The following ZSCAN25 variants were observed in gnomAD, a reference collection of about 807,000 sequenced individuals.
The protein encoded by ZSCAN25 is zinc finger and SCAN domain-containing protein 25.
In ZSCAN25, 27 loss-of-function variants were observed where a neutral mutation model predicts 38.7. The ratio of observed to expected loss-of-function variants is 0.70; its 90% CI spans 0.51 to 0.96. The LOEUF (loss-of-function observed/expected upper bound fraction) is 0.96. ZSCAN25 is among the 40% of genes least tolerant of loss of function. ZSCAN25 has a pLI of 0.00. For synonymous variants in ZSCAN25, 273 were observed against 277.7 expected, an observed-to-expected ratio of 0.98 and a Z score of 0.17; for missense variants, 637 against 705.9, an observed-to-expected ratio of 0.90 and a Z score of 1.11.
the ZSCAN25 span, chr7:99,660,538 C>T: frequency 6.2e-7 from 1 of 1,613,714 alleles, no homozygotes; most frequent in East Asian, 2.2e-5. Flanking sequence ...TTTGCAGTTT[C>T]TGCTGGACAT....
the ZSCAN25 span, chr7:99,672,637 G>A: frequency 3.5e-5 from 57 of 1,614,020 alleles, 1 homozygote; most frequent in Admixed American, 4.0e-4. Flanking sequence ...TGATCACGTC[G>A]GGATCTGTGA....
At chr7:99,700,084 G>A in the ZSCAN25 span, 1 of 1,354,174 alleles carries the variant, frequency 7.4e-7, no homozygotes, top group Non-Finnish European at 1.1e-6. Flanking sequence ...TTTCAGCTGT[G>A]TGCTGTTGTT....
At chr7:99,714,578 C>T in the ZSCAN25 span, 2 of 1,612,708 alleles carry the variant, frequency 1.2e-6, no homozygotes, top group Non-Finnish European at 1.7e-6. Flanking sequence ...TTGAGGCGAC[C>T]TTCTTTTATC....
In ZSCAN25 at chr7:99,629,640, G is replaced by C. The variant is rs574014078; in HGVS notation, c.1255G>C (p.Glu419Gln). The C allele has an allele frequency of 1.7e-5, 27 of 1,613,930 alleles. No homozygotes were observed. The highest frequency in any genetic ancestry group is 2.1e-5 in the Non-Finnish European group (25 of 1,180,044). The change falls in exon 8 of 8, where the codon GAG (glutamate) becomes CAG (glutamine). Residue 419 changes from glutamate (E) to glutamine (Q), a missense_variant. Coordinates refer to ENST00000394152, the MANE Select transcript of ZSCAN25 (RefSeq NM_145115.3). The surrounding 1 kb of genome is among the most constrained non-coding windows in gnomAD (Gnocchi z 5.6). ...AACCTTCAGCCAGAGACACCACCTGGAGGTGCACCAGCGCAGCCACACTGG... is the reference window on the plus strand; with the variant it reads ...AACCTTCAGCCAGAGACACCACCTGCAGGTGCACCAGCGCAGCCACACTGG... ...WKTFSQRHHL[E>Q]VHQRSHTGEK...
At chr7:99,655,293 A>G in the ZSCAN25 span, among the ~76,000 whole-genome samples, 2 of 152,216 alleles carry the variant, frequency 1.3e-5, no homozygotes, top group East Asian at 1.9e-4. Flanking sequence ...AGCTTTCTAT[A>G]TATGGCTAGC....
At chr7:99,658,374 G>A in the ZSCAN25 span, among the ~76,000 whole-genome samples, 4 of 152,146 alleles carry the variant, frequency 2.6e-5, no homozygotes, top group Admixed American at 6.5e-5. Flanking sequence ...ATTCTGGGTT[G>A]AAAATTCTTT....
intron 5 of ZSCAN25, 182 bp downstream of exon 5, chr7:99,621,756 C>G (rs113784978): frequency 1.1e-3 from 483 of 438,848 alleles, no homozygotes; most frequent in Non-Finnish European, 1.6e-3. Flanking sequence ...CTCCCTTTAC[C>G]CTCTGGTGTC....
At chr7:99,667,297 C>T in the ZSCAN25 span, among the ~76,000 whole-genome samples, 4 of 152,136 alleles carry the variant, frequency 2.6e-5, no homozygotes, top group Non-Finnish European at 5.9e-5. Context: ...TGGTCTCCTG[C>T]CTCTATATCT....
At chr7:99,705,182 G>T in the ZSCAN25 span, 5 of 263,554 alleles carry the variant, frequency 1.9e-5, no homozygotes, top group Non-Finnish European at 2.9e-5. Flanking sequence ...AAATTATTGA[G>T]AAATGTTAAT....
the ZSCAN25 span, among the ~76,000 whole-genome samples, chr7:99,639,353 C>G: frequency 1.3e-5 from 2 of 152,154 alleles, no homozygotes; most frequent in Admixed American, 6.5e-5. Context: ...TACTAGAGAT[C>G]ACTTGGGGGT....
the ZSCAN25 span, among the ~76,000 whole-genome samples, chr7:99,731,979 A>ACTGGTGATATCCAC: frequency 9.9e-5 from 15 of 152,206 alleles, no homozygotes; most frequent in African/African-American, 3.6e-4. Context: ...TAGCCTTCCA[A>ACTGGTGATATCCAC]CTGGTGATAT....
the ZSCAN25 span, among the ~76,000 whole-genome samples, chr7:99,656,978 T>C: frequency 6.6e-6 from 1 of 152,210 alleles, no homozygotes; most frequent in Non-Finnish European, 1.5e-5. Context: ...TCTTTTCTTC[T>C]TTATTAGTCT....
At chr7:99,688,193 G>A in the ZSCAN25 span, among the ~76,000 whole-genome samples, 1 of 152,114 alleles carries the variant, frequency 6.6e-6, no homozygotes, top group Non-Finnish European at 1.5e-5. Context: ...AATGTAAATG[G>A]GCTAAATGCT....
the ZSCAN25 span, among the ~76,000 whole-genome samples, chr7:99,724,684 C>A: frequency 1.3e-5 from 2 of 152,108 alleles, no homozygotes; most frequent in Non-Finnish European, 2.9e-5. Context: ...CAGTTTCATT[C>A]CGAGACTAGC....
the ZSCAN25 span, chr7:99,671,916 C>T: frequency 1.0e-5 from 7 of 695,606 alleles, no homozygotes; most frequent in Middle Eastern, 6.9e-4. Context: ...TACCCACACA[C>T]ATAAACACAC....
the ZSCAN25 span, among the ~76,000 whole-genome samples, chr7:99,734,833 G>T: frequency 0.018 from 2,694 of 152,078 alleles, 72 homozygotes; most frequent in African/African-American, 0.06. Context: ...TATTAGCCAG[G>T]CTGGTCTTGA....
At chr7:99,710,874 A>G in the ZSCAN25 span, 1 of 1,613,788 alleles carries the variant, frequency 6.2e-7, no homozygotes, top group South Asian at 1.1e-5. Flanking sequence ...TTGGGCCATG[A>G]GCTCCAGATC....
the ZSCAN25 span, among the ~76,000 whole-genome samples, chr7:99,664,676 C>A: frequency 6.6e-6 from 1 of 152,032 alleles, no homozygotes; most frequent in Non-Finnish European, 1.5e-5. Flanking sequence ...GTAGCCAAAC[C>A]AGTGCTCAGA....
chr7:99,689,172 C>T, the ZSCAN25 span, among the ~76,000 whole-genome samples: 1 of 152,112 alleles, frequency 6.6e-6, no homozygotes, highest in Non-Finnish European at 1.5e-5. Context: ...AAAATCAGAG[C>T]AGAACTGAAG....
Sources: allele counts gnomAD v4.1 joint callset (sites outside exome capture counted in the v4.1 genomes callset), GRCh38; gene constraint gnomAD v4.1.1; non-coding constraint Gnocchi (gnomAD v3.1); transcripts MANE v1.5; gene names NCBI Gene and HGNC (gene_info 2026-07-23, HGNC 2026-07-21).